IL1RAPL1: variants seen among roughly 807,000 people sequenced by gnomAD.
IL1RAPL1 encodes interleukin-1 receptor accessory protein-like 1.
A neutral mutation model predicts 48.4 loss-of-function variants in IL1RAPL1; 3 were observed. The ratio of observed to expected loss-of-function variants is 0.06; its 90% CI spans 0.03 to 0.16. The LOEUF (loss-of-function observed/expected upper bound fraction) is 0.16, where lower values mean the gene tolerates loss of function less well. Ranked by LOEUF, IL1RAPL1 falls within the 10% of genes least tolerant of loss-of-function variation. The pLI, the probability that IL1RAPL1 is intolerant of heterozygous loss-of-function variation, is 1.00. For synonymous variants in IL1RAPL1, 185 were observed against 187.7 expected (o/e 0.99, Z 0.12); for missense variants, 349 against 530.6 (o/e 0.66, Z 3.36).
At chrX:29,542,568 ACT>A (rs1258362451) in intron 5 of IL1RAPL1, among the ~76,000 whole-genome samples, 1 of 111,610 alleles carries the variant, frequency 9.0e-6, no homozygotes, top group Non-Finnish European at 1.9e-5. Context: ...AATCTTTCTA[ACT>A]CTCTGAATCC....
At chrX:28,900,123 G>T (rs1184877598) in intron 2 of IL1RAPL1, among the ~76,000 whole-genome samples, 1 of 112,090 alleles carries the variant, frequency 8.9e-6, no homozygotes, top group African/African-American at 3.2e-5. Context: ...GCAGACTATT[G>T]AGTGGGCAGT....
At chrX:29,841,117 C>T (rs1317740255) in intron 6 of IL1RAPL1, among the ~76,000 whole-genome samples, 1 of 111,740 alleles carries the variant, frequency 8.9e-6, no homozygotes, top group African/African-American at 3.2e-5. Context: ...TAGCCAAAGT[C>T]ATTCTTCAAA....
intron 6 of IL1RAPL1, among the ~76,000 whole-genome samples, chrX:29,746,291 TATTA>T (rs1928333884): frequency 8.9e-6 from 1 of 112,297 alleles, no homozygotes; most frequent in African/African-American, 3.2e-5. Flanking sequence ...TCTGTTGAAT[TATTA>T]ATACATTAGC....
chrX:28,888,116 T>G (rs1922686345), intron 2 of IL1RAPL1, among the ~76,000 whole-genome samples: 1 of 110,307 alleles, frequency 9.1e-6, no homozygotes, highest in South Asian at 3.8e-4. Context: ...CAGTACTGAT[T>G]AGTGATTTGA....
intron 5 of IL1RAPL1, among the ~76,000 whole-genome samples, chrX:29,415,059 CAT>C (rs1934196985): frequency 8.9e-6 from 1 of 111,766 alleles, no homozygotes; most frequent in Non-Finnish European, 1.9e-5. Flanking sequence ...TAAAATATAA[CAT>C]AATAAGGATC....
chrX:29,218,406 C>T (rs962669113), intron 2 of IL1RAPL1, among the ~76,000 whole-genome samples: 2 of 111,161 alleles, frequency 1.8e-5, no homozygotes, highest in African/African-American at 3.3e-5. Context: ...ATCCAAAGCA[C>T]GACAAAAGAA....
At chrX:29,775,949 C>T (rs566109057) in intron 6 of IL1RAPL1, among the ~76,000 whole-genome samples, 2 of 111,183 alleles carry the variant, frequency 1.8e-5, no homozygotes, top group South Asian at 7.7e-4. Context: ...ACCCCCGTTA[C>T]CTTTACTCTA....
chrX:28,844,410 A>T (rs969854025), intron 2 of IL1RAPL1, among the ~76,000 whole-genome samples: 4 of 108,763 alleles, frequency 3.7e-5, no homozygotes, highest in African/African-American at 1.3e-4. Flanking sequence ...GCTTCCATTT[A>T]TTCTCTTGGA....
chrX:28,666,660 ATTTCTT>A (rs1195530392), intron 1 of IL1RAPL1, among the ~76,000 whole-genome samples: 2 of 111,773 alleles, frequency 1.8e-5, no homozygotes, highest in Admixed American at 1.9e-4. Context: ...AAAAAACCAT[ATTTCTT>A]TTGGTCCTTT....
chrX:29,703,371 C>G (rs1357930183), intron 6 of IL1RAPL1, among the ~76,000 whole-genome samples: 1 of 110,545 alleles, frequency 9.0e-6, no homozygotes, highest in African/African-American at 3.3e-5. Context: ...GAGACAGAGT[C>G]TCACTCTGTC....
intron 1 of IL1RAPL1, among the ~76,000 whole-genome samples, chrX:28,626,560 G>C (rs1001755408): frequency 6.2e-5 from 7 of 112,151 alleles, no homozygotes; most frequent in African/African-American, 2.3e-4. Flanking sequence ...CCTGTCTTAG[G>C]TTTTTCACAA....
At chrX:29,734,492 A>C (rs1927999253) in intron 6 of IL1RAPL1, among the ~76,000 whole-genome samples, 1 of 111,929 alleles carries the variant, frequency 8.9e-6, no homozygotes. Flanking sequence ...CAGCTCCCCA[A>C]CTTGCCAGCA....
intron 5 of IL1RAPL1, among the ~76,000 whole-genome samples, chrX:29,441,189 A>G (rs1463278124): frequency 9.0e-6 from 1 of 111,525 alleles, no homozygotes; most frequent in African/African-American, 3.3e-5. Flanking sequence ...GAATATGTCC[A>G]TGTTACCCTA....
At chrX:28,846,344 G>GC (rs893538717) in intron 2 of IL1RAPL1, among the ~76,000 whole-genome samples, 2 of 111,899 alleles carry the variant, frequency 1.8e-5, no homozygotes, top group African/African-American at 6.5e-5. Flanking sequence ...CATATTGGTT[G>GC]CATCTGAGTT....
intron 2 of IL1RAPL1, among the ~76,000 whole-genome samples, chrX:29,134,441 G>T (rs907505628): frequency 5.4e-5 from 6 of 111,785 alleles, no homozygotes; most frequent in Non-Finnish European, 7.5e-5. Flanking sequence ...TAGAAAATTT[G>T]TGCTCATGGC....
intron 2 of IL1RAPL1, among the ~76,000 whole-genome samples, chrX:28,903,691 TTA>T (rs1251956686): frequency 9.0e-6 from 1 of 110,853 alleles, no homozygotes; most frequent in Non-Finnish European, 1.9e-5. Flanking sequence ...ATATAATAGA[TTA>T]TGTTATCAGG....
chrX:29,093,225 A>T (rs1054799193), intron 2 of IL1RAPL1, among the ~76,000 whole-genome samples: 1 of 111,505 alleles, frequency 9.0e-6, no homozygotes, highest in African/African-American at 3.3e-5. Flanking sequence ...CAGGCTGTAC[A>T]GGAAGCATAA....
At chrX:29,687,847 ATC>A (rs1466060061) in intron 6 of IL1RAPL1, among the ~76,000 whole-genome samples, 1 of 111,898 alleles carries the variant, frequency 8.9e-6, no homozygotes, top group Non-Finnish European at 1.9e-5. Flanking sequence ...CATTATCATG[ATC>A]TCTCTATATT....
chrX:29,055,539 T>C (rs1264097897), intron 2 of IL1RAPL1, among the ~76,000 whole-genome samples: 1 of 111,752 alleles, frequency 8.9e-6, no homozygotes, highest in African/African-American at 3.2e-5. Context: ...TCTCAAATTA[T>C]AGTATTGAGT....
Sources: gnomAD v4.1 joint callset for allele counts (sites outside exome capture counted in the v4.1 genomes callset) on GRCh38, gnomAD v4.1.1 for gene constraint, MANE v1.5 for transcripts, NCBI Gene and HGNC (gene_info 2026-07-23, HGNC 2026-07-21) for gene names.